Variants in NTNG1 observed in about 807,000 individuals in gnomAD.
The protein encoded by NTNG1 is netrin-G1.
In NTNG1, 16 loss-of-function variants were observed where a neutral mutation model predicts 54.0. That is an observed-to-expected ratio of 0.30 (90% CI 0.20 to 0.45). The LOEUF (loss-of-function observed/expected upper bound fraction) is 0.45. Ranked by LOEUF, NTNG1 falls within the 20% of genes least tolerant of loss-of-function variation. The pLI, the probability that NTNG1 is intolerant of heterozygous loss-of-function variation, is 1.00. For missense variants in NTNG1, 530 were observed against 678.7 expected (o/e 0.78, Z 2.43); for synonymous variants, 255 against 263.1 (o/e 0.97, Z 0.30).
chr1:107,464,235 T>C (rs917962541), intron 7 of NTNG1, among the ~76,000 whole-genome samples: 1 of 152,228 alleles, frequency 6.6e-6, no homozygotes, highest in Non-Finnish European at 1.5e-5. Flanking sequence ...AGGCCAGCCA[T>C]AGCCTTGGCC....
intron 6 of NTNG1, among the ~76,000 whole-genome samples, chr1:107,432,942 A>G (rs1026917409): frequency 6.6e-6 from 1 of 152,196 alleles, no homozygotes; most frequent in African/African-American, 2.4e-5. Flanking sequence ...TTTAAGAGGT[A>G]TAGTTCAGTT....
chr1:107,402,885 C>A (rs1673131620), intron 4 of NTNG1, among the ~76,000 whole-genome samples: 1 of 152,120 alleles, frequency 6.6e-6, no homozygotes, highest in Admixed American at 6.6e-5. Context: ...CCATCTATCA[C>A]AACAGTGGTA....
At chr1:107,315,173 A>G (rs1667265161) in intron 2 of NTNG1, among the ~76,000 whole-genome samples, 1 of 152,120 alleles carries the variant, frequency 6.6e-6, no homozygotes, top group Non-Finnish European at 1.5e-5. Flanking sequence ...TAGACCTGTC[A>G]TAAATATTAA....
chr1:107,431,007 G>C, intron 6 of NTNG1, 90 bp downstream of exon 6: 1 of 1,191,408 alleles, frequency 8.4e-7, no homozygotes, highest in South Asian at 1.4e-5. Context: ...TTTGCACCGC[G>C]GTTGAGCCAG....
Position 107,481,726 on chromosome 1 carries a change from T to TG in NTNG1, c.*887dup, listed in dbSNP as rs2101621863. The stretch of plus-strand genomic sequence containing the variant: ...GATTTCTCTGTAAGGGCAACGAACG[T>TG]GCTGGCATCAAAGAATATCAGTTTA... On this transcript the variant is annotated 3_prime_UTR_variant, in exon 8 of 8. Transcript: ENST00000370068. 1 of 152,752 alleles carries TG rather than the reference T, an allele frequency of 6.5e-6. No individual in the cohort carries two copies. The highest frequency in any genetic ancestry group is 2.1e-4 in the South Asian group (1 of 4,820). The allele number at this position is 152,752 out of a possible 1,614,324, so 9.5% of individuals were successfully genotyped here.
At chr1:107,233,143 G>C (rs1211777100) in intron 2 of NTNG1, among the ~76,000 whole-genome samples, 1 of 152,116 alleles carries the variant, frequency 6.6e-6, no homozygotes, top group Non-Finnish European at 1.5e-5. Flanking sequence ...AAACCATATA[G>C]ACCTGTCTGA....
At chr1:107,410,627 A>C (rs1164784226) in intron 5 of NTNG1, 3 of 152,166 alleles carry the variant, frequency 2.0e-5, no homozygotes, top group Non-Finnish European at 4.4e-5. Context: ...ATGTGGTAGG[A>C]ATTCCTTCAG....
intron 3 of NTNG1, among the ~76,000 whole-genome samples, chr1:107,380,076 C>T (rs979244349): frequency 5.3e-5 from 8 of 152,234 alleles, no homozygotes; most frequent in African/African-American, 1.7e-4. Context: ...GACTATGAAG[C>T]TGACTGTTGG....
intron 2 of NTNG1, among the ~76,000 whole-genome samples, chr1:107,192,095 T>G (rs1278367862): frequency 2.6e-5 from 4 of 152,262 alleles, no homozygotes; most frequent in South Asian, 2.1e-4. Context: ...GTATCCTCTT[T>G]TATTTCATTG....
At chr1:107,356,870 G>A (rs1312970832) in intron 3 of NTNG1, among the ~76,000 whole-genome samples, 1 of 152,070 alleles carries the variant, frequency 6.6e-6, no homozygotes, top group Non-Finnish European at 1.5e-5. Flanking sequence ...GGGCATGTTG[G>A]CGCATACCTG....
rs186266286 is a variant in NTNG1, at chr1:107,275,061, C to T, written c.247-49221C>T. Among the ~76,000 whole-genome samples the T allele has an allele frequency of 3.4e-4, 52 of 152,170 alleles. No individual in the cohort carries two copies. In the East Asian group the frequency reaches 8.5e-3, roughly 25 times the overall value. On this transcript the variant is annotated intron_variant, in intron 2 of 7. Transcript: ENST00000370068. Reference sequence around the variant, plus strand: ...AAACAGAACTAACAGGGCATGTGTACGTGTGTGTATAATATAACATAAAGA... The same window carrying T: ...AAACAGAACTAACAGGGCATGTGTATGTGTGTGTATAATATAACATAAAGA...
At chr1:107,285,434 A>C (rs1055664516) in intron 2 of NTNG1, among the ~76,000 whole-genome samples, 5 of 152,094 alleles carry the variant, frequency 3.3e-5, no homozygotes, top group Non-Finnish European at 5.9e-5. Context: ...ATTTACATTA[A>C]CTTTTTCCCT....
At chr1:107,425,680 C>A (rs1361357526) in intron 5 of NTNG1, among the ~76,000 whole-genome samples, 1 of 151,984 alleles carries the variant, frequency 6.6e-6, no homozygotes, top group Non-Finnish European at 1.5e-5. Flanking sequence ...ATTTATGTTC[C>A]TTTGGGTAGA....
intron 7 of NTNG1, among the ~76,000 whole-genome samples, chr1:107,466,744 T>C (rs1677633136): frequency 6.6e-6 from 1 of 152,182 alleles, no homozygotes; most frequent in South Asian, 2.1e-4. Context: ...AATTCATAAA[T>C]TTTTTCTCTC....
At chr1:107,433,190 T>A (rs907179729) in intron 6 of NTNG1, among the ~76,000 whole-genome samples, 1 of 152,226 alleles carries the variant, frequency 6.6e-6, no homozygotes, top group Non-Finnish European at 1.5e-5. Context: ...TATTTTGTAC[T>A]TGAAACCAAG....
intron 3 of NTNG1, among the ~76,000 whole-genome samples, chr1:107,350,120 G>A (rs532428897): frequency 6.6e-6 from 1 of 152,074 alleles, no homozygotes; most frequent in South Asian, 2.1e-4. Context: ...ATAAGTTGTG[G>A]TTCTGATTAA....
chr1:107,237,067 G>T (rs1037954169), intron 2 of NTNG1, among the ~76,000 whole-genome samples: 1 of 152,188 alleles, frequency 6.6e-6, no homozygotes, highest in African/African-American at 2.4e-5. Flanking sequence ...AATGTGGGAA[G>T]CTTGGAACTT....
In NTNG1 at chr1:107,297,142, CAT is replaced by C. The variant is rs368618016; in HGVS notation, c.247-27128_247-27127del. Among the ~76,000 whole-genome samples the C allele has an allele frequency of 4.5e-3, 598 of 134,204 alleles. 2 individuals carry two copies. The highest frequency in any genetic ancestry group is 0.016 in the African/African-American group (573 of 35,794). 88.0% of individuals were successfully genotyped at this position (134,204 alleles called of 152,430 possible). A position where few individuals can be genotyped will look rare whatever the true frequency, so the allele number is the denominator to read the frequency against. Reference sequence around the variant, plus strand: ...ACACACACATATATATATATAACATCATATATATATATAACATCATATATATA... The same window carrying C: ...ACACACACATATATATATATAACATCATATATATATAACATCATATATATA... On this transcript the variant is annotated intron_variant, in intron 2 of 7. Coordinates refer to ENST00000370068, the MANE Select transcript of NTNG1 (RefSeq NM_001113226.3).
intron 3 of NTNG1, among the ~76,000 whole-genome samples, chr1:107,374,887 A>G (rs926374960): frequency 1.1e-4 from 17 of 151,622 alleles, no homozygotes; most frequent in African/African-American, 4.1e-4. Flanking sequence ...GTCCTTTCGG[A>G]TCTTGCTTTT....
Sources: gnomAD v4.1 joint callset for allele counts (sites outside exome capture counted in the v4.1 genomes callset) on GRCh38, gnomAD v4.1.1 for gene constraint, MANE v1.5 for transcripts, NCBI Gene and HGNC (gene_info 2026-07-23, HGNC 2026-07-21) for gene names.